The following BACE2 variants were observed in gnomAD, a reference collection of about 807,000 sequenced individuals.
The protein encoded by BACE2 is beta-secretase 2, also known as 56 kDa aspartic-like protease.
Under a neutral mutation model 46.2 loss-of-function variants are expected in BACE2, and 17 were observed. The observed-to-expected ratio is 0.37, with a 90% CI of 0.25 to 0.55. The LOEUF is 0.55. Among genes scored for constraint, BACE2 ranks in the 20% least tolerant of loss-of-function variants. The probability of loss-of-function intolerance (pLI) is 0.82; values close to 1 mark genes in which losing one functional copy is unlikely to be tolerated. For synonymous variants in BACE2, 277 were observed against 295.9 expected (o/e 0.94, Z 0.66); for missense variants, 595 against 698.1 (o/e 0.85, Z 1.66).
intron 8 of BACE2, among the ~76,000 whole-genome samples, chr21:41,264,750 C>G (rs1988026121): frequency 6.6e-6 from 1 of 152,084 alleles, no homozygotes; most frequent in African/African-American, 2.4e-5. Context: ...CTTGGGATCC[C>G]AATTCAACAT....
intron 8 of BACE2, among the ~76,000 whole-genome samples, chr21:41,263,754 GA>G (rs1171203509): frequency 1.3e-5 from 2 of 152,156 alleles, no homozygotes; most frequent in East Asian, 3.8e-4. Flanking sequence ...TTACCGGTAA[GA>G]CTGCTTTTAT....
chr21:41,211,116 G>A (rs923632468), intron 1 of BACE2, among the ~76,000 whole-genome samples: 3 of 151,974 alleles, frequency 2.0e-5, no homozygotes, highest in African/African-American at 7.3e-5. Context: ...AGCATTTGGT[G>A]GAAAACCACC....
intron 8 of BACE2, among the ~76,000 whole-genome samples, chr21:41,268,963 T>C (rs1235605918): frequency 2.1e-5 from 3 of 146,314 alleles, no homozygotes; most frequent in Non-Finnish European, 4.4e-5. Flanking sequence ...TTCTCTTTTC[T>C]TTTTTTTTGA....
At chr21:41,209,871 A>G (rs1235197808) in intron 1 of BACE2, among the ~76,000 whole-genome samples, 1 of 152,162 alleles carries the variant, frequency 6.6e-6, no homozygotes, top group Non-Finnish European at 1.5e-5. Context: ...AGTTCCCAAT[A>G]TGTTTAAGGG....
chr21:41,246,667 T>G (rs563235135), intron 6 of BACE2, among the ~76,000 whole-genome samples: 1 of 152,354 alleles, frequency 6.6e-6, no homozygotes, highest in South Asian at 2.1e-4. Context: ...AAATTATGAT[T>G]GTGGACAATA....
Position 41,226,370 on chromosome 21 carries a change from T to C in BACE2, c.401+16T>C, listed in dbSNP as rs755901245. 6.2e-7 allele frequency: 1 copy of C among 1,607,046 alleles called. No homozygotes were observed. Among genetic ancestry groups the C allele is most frequent in the Admixed American group, 1.7e-5 (1 of 58,720 alleles). Reference sequence around the variant, plus strand: ...ACACAGAGAGGTAAGCGCTGGCCCCTTGGCTGGTGTGCTGGGCCGGGGCAC... The same window carrying C: ...ACACAGAGAGGTAAGCGCTGGCCCCCTGGCTGGTGTGCTGGGCCGGGGCAC... On this transcript the variant is annotated intron_variant, in intron 2 of 8. Coordinates refer to ENST00000330333, the MANE Select transcript of BACE2 (RefSeq NM_012105.5).
At chr21:41,231,460 A>G (rs994904000) in intron 2 of BACE2, among the ~76,000 whole-genome samples, 17 of 152,170 alleles carry the variant, frequency 1.1e-4, no homozygotes, top group Non-Finnish European at 4.4e-5. Flanking sequence ...CCTGGGTCGA[A>G]TGGCTTAGGA....
At chr21:41,264,688 T>C (rs1179005342) in intron 8 of BACE2, among the ~76,000 whole-genome samples, 1 of 151,896 alleles carries the variant, frequency 6.6e-6, no homozygotes, top group Non-Finnish European at 1.5e-5. Context: ...AGTAAACCAT[T>C]AGAAACCACC....
At chr21:41,189,975 G>T (rs1985510803) in intron 1 of BACE2, among the ~76,000 whole-genome samples, 1 of 152,164 alleles carries the variant, frequency 6.6e-6, no homozygotes, top group African/African-American at 2.4e-5. Context: ...AAAGATGTAG[G>T]CTGGGAAGCT....
chr21:41,214,699 A>AT (rs1391048202), intron 1 of BACE2, among the ~76,000 whole-genome samples: 1 of 152,050 alleles, frequency 6.6e-6, no homozygotes, highest in Non-Finnish European at 1.5e-5. Flanking sequence ...CTTGACTTTC[A>AT]TTTATTCATT....
intron 8 of BACE2, among the ~76,000 whole-genome samples, chr21:41,268,156 AC>A (rs2088398321): frequency 6.6e-6 from 1 of 152,172 alleles, no homozygotes; most frequent in African/African-American, 2.4e-5. Flanking sequence ...ACATCTATTA[AC>A]TTGATTGTTC....
At chr21:41,228,106 T>G (rs1216825377) in intron 2 of BACE2, among the ~76,000 whole-genome samples, 1 of 152,226 alleles carries the variant, frequency 6.6e-6, no homozygotes, top group African/African-American at 2.4e-5. Context: ...TGCTTTGTCA[T>G]TCCCTGAAGT....
chr21:41,190,190 C>G (rs2123511502), intron 1 of BACE2, among the ~76,000 whole-genome samples: 1 of 152,268 alleles, frequency 6.6e-6, no homozygotes, highest in East Asian at 1.9e-4. Context: ...CAGTATGAAC[C>G]ATCACAAGTC....
intron 6 of BACE2, among the ~76,000 whole-genome samples, chr21:41,247,420 A>AT (rs1402504999): frequency 6.6e-6 from 1 of 152,226 alleles, no homozygotes; most frequent in Non-Finnish European, 1.5e-5. Context: ...GGCAGGCAAC[A>AT]TTTTTAGTGC....
rs1221485959 is a variant in BACE2 at position 41,250,740 on chromosome 21, T to G, written c.985-12T>G. 1 of 1,613,736 alleles carries G rather than the reference T, an allele frequency of 6.2e-7. No individual in the cohort carries two copies. Among genetic ancestry groups the G allele is most frequent in the African/African-American group, 1.3e-5 (1 of 74,872 alleles). The stretch of plus-strand genomic sequence containing the variant: ...CTAGTCATGGTTTCTGATGTGATCT[T>G]GTTTTGTCTAGATTCCAGAATTCTC... On this transcript the variant is annotated splice_polypyrimidine_tract_variant and intron_variant, in intron 6 of 8. Coordinates refer to ENST00000330333, the MANE Select transcript of BACE2 (RefSeq NM_012105.5).
intron 5 of BACE2, among the ~76,000 whole-genome samples, chr21:41,244,936 G>A (rs962689355): frequency 6.6e-6 from 1 of 151,868 alleles, no homozygotes; most frequent in African/African-American, 2.4e-5. Flanking sequence ...TGTATTTGGA[G>A]GTGTGATTCT....
intron 1 of BACE2, chr21:41,180,040 G>T: frequency 3.2e-6 from 1 of 311,928 alleles, no homozygotes; most frequent in Non-Finnish European, 6.5e-6. Context: ...TCCTTGCAAA[G>T]CAGGGCTGCC....
chr21:41,279,895 A>G lies in BACE2; in HGVS notation c.*4271A>G, dbSNP rs2088528145. Reference sequence around the variant, plus strand: ...AAAGAGGGCAGGGCAAGAAGGAGCCAGAAGAGAGGTCCCACCCCTCAGTTG... The same window carrying G: ...AAAGAGGGCAGGGCAAGAAGGAGCCGGAAGAGAGGTCCCACCCCTCAGTTG... On this transcript the variant is annotated 3_prime_UTR_variant, in exon 9 of 9. Coordinates refer to ENST00000330333, the MANE Select transcript of BACE2 (RefSeq NM_012105.5). 6.6e-6 allele frequency: 1 copy of G among 152,376 alleles called. No homozygotes were observed. Among genetic ancestry groups the G allele is most frequent in the African/African-American group, 2.4e-5 (1 of 41,442 alleles). The allele number at this position is 152,376 out of a possible 1,614,324, so 9.4% of individuals were successfully genotyped here.
chr21:41,217,020 C>G (rs1303309311), intron 1 of BACE2, among the ~76,000 whole-genome samples: 2 of 152,198 alleles, frequency 1.3e-5, no homozygotes, highest in Non-Finnish European at 2.9e-5. Flanking sequence ...CAACTTCTGC[C>G]TCTTGGGTTC....
Sources: allele counts gnomAD v4.1 joint callset (sites outside exome capture counted in the v4.1 genomes callset), GRCh38; gene constraint gnomAD v4.1.1; transcripts MANE v1.5; gene names NCBI Gene and HGNC (gene_info 2026-07-23, HGNC 2026-07-21).